PPP2R5E: variants seen among roughly 807,000 people sequenced by gnomAD.
The protein encoded by PPP2R5E is protein phosphatase 2 regulatory subunit B'epsilon.
In PPP2R5E, 4 loss-of-function variants were observed where a neutral mutation model predicts 65.3. The observed-to-expected ratio is 0.06, with a 90% CI of 0.03 to 0.14. PPP2R5E has a LOEUF of 0.14. Among genes scored for constraint, PPP2R5E ranks in the 10% least tolerant of loss-of-function variants. The pLI is 1.00. For synonymous variants in PPP2R5E, 183 were observed against 187.4 expected, an observed-to-expected ratio of 0.98 and a Z score of 0.19; for missense variants, 274 against 556.1, an observed-to-expected ratio of 0.49 and a Z score of 5.10.
rs541891874 is a variant in PPP2R5E at position 63,495,187 on chromosome 14, A to G, written c.158-41302T>C. Among the ~76,000 whole-genome samples the G allele has an allele frequency of 2.7e-5, 4 of 146,254 alleles. No individual in the cohort carries two copies. In the East Asian group the frequency reaches 8.4e-4, roughly 31 times the overall value. The stretch of plus-strand genomic sequence containing the variant: ...CACTGCACTCCAGCCTGGGTGACAG[A>G]GTGAGACTCTGTCTCAAAGACACAC... On this transcript the variant is annotated intron_variant, in intron 2 of 13. Transcript: ENST00000337537.
chr14:63,523,908 A>C (rs1215607637), intron 2 of PPP2R5E, among the ~76,000 whole-genome samples: 1 of 152,190 alleles, frequency 6.6e-6, no homozygotes, highest in Non-Finnish European at 1.5e-5. Context: ...AACAGCTGTG[A>C]TTCCTACACT....
chr14:63,406,052 A>G (rs1566679275), intron 5 of PPP2R5E, among the ~76,000 whole-genome samples: 1 of 152,238 alleles, frequency 6.6e-6, no homozygotes, highest in South Asian at 2.1e-4. Context: ...AGCCAGTCAT[A>G]CTATTCTAGA....
chr14:63,519,129 G>A (rs1207196037), intron 2 of PPP2R5E, among the ~76,000 whole-genome samples: 6 of 152,028 alleles, frequency 3.9e-5, no homozygotes, highest in Non-Finnish European at 8.8e-5. Flanking sequence ...CAGGAGAATC[G>A]CTTGAACCTG....
intron 13 of PPP2R5E, among the ~76,000 whole-genome samples, chr14:63,381,086 AACT>A (rs1884327586): frequency 6.6e-6 from 1 of 152,182 alleles, no homozygotes; most frequent in South Asian, 2.1e-4. Context: ...CCACAGGCGC[AACT>A]ACTAAGAGCT....
At chr14:63,484,906 C>T (rs113327262) in intron 2 of PPP2R5E, among the ~76,000 whole-genome samples, 8 of 152,148 alleles carry the variant, frequency 5.3e-5, no homozygotes, top group Admixed American at 6.5e-5. Context: ...AACAAGTTTG[C>T]TCATCTTTCC....
intron 2 of PPP2R5E, among the ~76,000 whole-genome samples, chr14:63,470,967 A>AT (rs1890099567): frequency 6.6e-6 from 1 of 152,296 alleles, no homozygotes; most frequent in Non-Finnish European, 1.5e-5. Flanking sequence ...CTTCTGAGCC[A>AT]TTTTTTACCC....
At chr14:63,476,817 G>T (rs572143328) in intron 2 of PPP2R5E, among the ~76,000 whole-genome samples, 3 of 152,014 alleles carry the variant, frequency 2.0e-5, no homozygotes, top group Non-Finnish European at 2.9e-5. Context: ...TCACAGATAG[G>T]ATCACATATT....
chr14:63,467,677 T>G (rs1395778958), intron 2 of PPP2R5E, among the ~76,000 whole-genome samples: 1 of 152,232 alleles, frequency 6.6e-6, no homozygotes, highest in Non-Finnish European at 1.5e-5. Flanking sequence ...ACGTTTAAGA[T>G]GTCAAATGAA....
intron 2 of PPP2R5E, among the ~76,000 whole-genome samples, chr14:63,474,698 A>AAC (rs1890317549): frequency 6.7e-6 from 1 of 149,512 alleles, no homozygotes; most frequent in African/African-American, 2.5e-5. Flanking sequence ...AAAAAAAAAA[A>AAC]AACAAGAAGA....
intron 3 of PPP2R5E, among the ~76,000 whole-genome samples, chr14:63,422,486 G>T (rs1282545891): frequency 1.3e-5 from 2 of 152,128 alleles, no homozygotes; most frequent in Non-Finnish European, 2.9e-5. Context: ...CAGCACTTTG[G>T]GAGGCCAAGG....
chr14:63,422,158 T>C, intron 3 of PPP2R5E, 64 bp from the exon 4 acceptor site: 1 of 1,361,776 alleles, frequency 7.3e-7, no homozygotes. Flanking sequence ...CACAAGGTCC[T>C]TGGAGCCAAG....
chr14:63,467,222 C>CAAAAAAAAAAAAAAA (rs767892639), intron 2 of PPP2R5E, among the ~76,000 whole-genome samples: 12 of 114,402 alleles, frequency 1.0e-4, no homozygotes, highest in African/African-American at 3.1e-4. Flanking sequence ...GACTCCGTCT[C>CAAAAAAAAAAAAAAA]AAAAAAAACA....
At chr14:63,406,433 G>GA (rs1484111308) in intron 5 of PPP2R5E, among the ~76,000 whole-genome samples, 1 of 148,648 alleles carries the variant, frequency 6.7e-6, no homozygotes, top group Non-Finnish European at 1.5e-5. Context: ...AAAAGAAAAA[G>GA]AAAAACAACA....
chr14:63,473,350 A>C (rs1473418039), intron 2 of PPP2R5E, among the ~76,000 whole-genome samples: 1 of 152,174 alleles, frequency 6.6e-6, no homozygotes, highest in Non-Finnish European at 1.5e-5. Flanking sequence ...AGATAAGCTC[A>C]ATGACTGAGT....
intron 2 of PPP2R5E, among the ~76,000 whole-genome samples, chr14:63,537,047 T>A (rs1893693056): frequency 6.6e-6 from 1 of 152,144 alleles, no homozygotes; most frequent in Non-Finnish European, 1.5e-5. Context: ...TTTTTTAAAA[T>A]GAGAAAAAAG....
At chr14:63,531,603 A>G (rs748055800) in intron 2 of PPP2R5E, among the ~76,000 whole-genome samples, 2 of 152,190 alleles carry the variant, frequency 1.3e-5, no homozygotes, top group Non-Finnish European at 2.9e-5. Context: ...TTTAACATCT[A>G]TTAACATATA....
intron 5 of PPP2R5E, among the ~76,000 whole-genome samples, chr14:63,398,820 C>A (rs1885560966): frequency 6.6e-6 from 1 of 151,988 alleles, no homozygotes; most frequent in Non-Finnish European, 1.5e-5. Context: ...AAAACCCAAC[C>A]AACAAAGAGA....
chr14:63,438,478 T>C (rs1485762623), intron 3 of PPP2R5E, among the ~76,000 whole-genome samples: 1 of 152,184 alleles, frequency 6.6e-6, no homozygotes, highest in East Asian at 1.9e-4. Flanking sequence ...AAGGTTAAAT[T>C]AAAAGGTGGG....
At chr14:63,384,302 C>G in intron 12 of PPP2R5E, 142 bp downstream of exon 12, 1 of 947,656 alleles carries the variant, frequency 1.1e-6, no homozygotes, top group Non-Finnish European at 1.6e-6. Flanking sequence ...TTTCTCCAGT[C>G]AGTGAATCCC....
Sources: gnomAD v4.1 joint callset for allele counts (sites outside exome capture counted in the v4.1 genomes callset) on GRCh38, gnomAD v4.1.1 for gene constraint, MANE v1.5 for transcripts, NCBI Gene and HGNC (gene_info 2026-07-23, HGNC 2026-07-21) for gene names.